Variants in TRPM3 observed in about 807,000 individuals in gnomAD.
The protein encoded by TRPM3 is long transient receptor potential channel 3.
Under a neutral mutation model 181.2 loss-of-function variants are expected in TRPM3, and 77 were observed. That is an observed-to-expected ratio of 0.42 (90% CI 0.35 to 0.51). TRPM3 has a LOEUF of 0.51. TRPM3 is among the 20% of genes least tolerant of loss of function. The pLI is 0.01. For synonymous variants in TRPM3, 745 were observed against 796.4 expected (o/e 0.94, Z 1.09); for missense variants, 1,759 against 2,196.7 (o/e 0.80, Z 3.98).
intron 1 of TRPM3, among the ~76,000 whole-genome samples, chr9:71,083,406 C>G (rs1418881329): frequency 3.3e-5 from 5 of 151,938 alleles, no homozygotes; most frequent in Non-Finnish European, 7.4e-5. Flanking sequence ...AATTAAAACC[C>G]AAGTCTGACT....
At chr9:70,606,878 T>C (rs2061261483) in intron 19 of TRPM3, among the ~76,000 whole-genome samples, 1 of 152,170 alleles carries the variant, frequency 6.6e-6, no homozygotes, top group African/African-American at 2.4e-5. Flanking sequence ...TTGCTATGGA[T>C]CCCTGGTGGG....
At chr9:70,787,331 T>A (rs1393775648) in intron 6 of TRPM3, among the ~76,000 whole-genome samples, 1 of 152,190 alleles carries the variant, frequency 6.6e-6, no homozygotes, top group Non-Finnish European at 1.5e-5. Context: ...TCATAAACAT[T>A]GAATATATCT....
chr9:71,007,357 T>G (rs550494056), intron 1 of TRPM3, among the ~76,000 whole-genome samples: 1 of 152,076 alleles, frequency 6.6e-6, no homozygotes, highest in African/African-American at 2.4e-5. Context: ...TTAGACCAAA[T>G]GTACCTAACA....
intron 12 of TRPM3, among the ~76,000 whole-genome samples, chr9:70,628,768 G>A (rs947858744): frequency 5.1e-5 from 7 of 137,950 alleles, no homozygotes; most frequent in South Asian, 2.3e-4. Flanking sequence ...GAAGTGAGCC[G>A]AGATTGCACC....
intron 9 of TRPM3, among the ~76,000 whole-genome samples, chr9:70,667,870 A>G (rs766559138): frequency 1.3e-5 from 2 of 152,214 alleles, no homozygotes; most frequent in Non-Finnish European, 2.9e-5. Context: ...GCACACTCAC[A>G]TGGCCCCAAC....
chr9:70,699,693 G>A (rs10116217), intron 8 of TRPM3, among the ~76,000 whole-genome samples: 57,755 of 151,922 alleles, frequency 0.38, 11,357 homozygotes, highest in Non-Finnish European at 0.44. Flanking sequence ...GCCTCTCTAG[G>A]CTTTCTTGCT....
At chr9:70,658,919 A>G (rs1369464062) in intron 9 of TRPM3, among the ~76,000 whole-genome samples, 1 of 152,112 alleles carries the variant, frequency 6.6e-6, no homozygotes, top group Non-Finnish European at 1.5e-5. Flanking sequence ...CTTTTGGTTT[A>G]AAATGTTGCT....
chr9:70,987,393 G>A (rs188127191), intron 1 of TRPM3, among the ~76,000 whole-genome samples: 2 of 152,214 alleles, frequency 1.3e-5, no homozygotes, highest in African/African-American at 4.8e-5. Flanking sequence ...CACAGGCTCT[G>A]CGTAAGATGC....
rs1226843135 is a variant in TRPM3 at position 71,090,803 on chromosome 9, T to C, written c.177+30375A>G. 1.3e-5 allele frequency among the ~76,000 whole-genome samples: 2 copies of C among 152,254 alleles called. 1 individual carries two copies. The highest frequency in any genetic ancestry group is 1.3e-4 in the Admixed American group (2 of 15,270). On this transcript the variant is annotated intron_variant, in intron 1 of 25. Transcript: ENST00000677713. ...ATAAGAATAATGACTACCTACTTCA[T>C]GGGATTACTTTCAAGATTAAATGAA...
rs554153791 is a variant in TRPM3 at position 71,315,126 on chromosome 9, C to G, written c.183+131527G>C. On this transcript the variant is annotated intron_variant, in intron 1 of 24. Transcript: ENST00000357533. ...GTAGGGTTTAATAAGCACTGATACC[C>G]TTTTCTGCCTCCAAATTTCCTCTAC... 5.3e-5 allele frequency among the ~76,000 whole-genome samples: 8 copies of G among 152,194 alleles called. No individual in the cohort carries two copies. The South Asian group carries it at 1.2e-3, about 24-fold the overall frequency.
chr9:71,257,739 C>G (rs1386452050), intron 1 of TRPM3, among the ~76,000 whole-genome samples: 1 of 152,112 alleles, frequency 6.6e-6, no homozygotes, highest in African/African-American at 2.4e-5. Flanking sequence ...TAAGTCTGTA[C>G]TTCCATGTAT....
At chr9:71,070,874 A>G (rs1181785100) in intron 1 of TRPM3, among the ~76,000 whole-genome samples, 2 of 152,220 alleles carry the variant, frequency 1.3e-5, no homozygotes, top group Admixed American at 6.5e-5. Flanking sequence ...TAAAATATAC[A>G]GACTATTATT....
rs1432716418 is a variant in TRPM3 at position 70,531,347 on chromosome 9, CTG to C, written c.*4604_*4605del. Reference sequence around the variant, plus strand: ...TTTTTTTGTTTTTAATTTTTCAAAACTGAACATAATCCCCATAGTAAGAAGCC... The same window carrying C: ...TTTTTTTGTTTTTAATTTTTCAAAACAACATAATCCCCATAGTAAGAAGCC... On this transcript the variant is annotated 3_prime_UTR_variant, in exon 26 of 26. Coordinates refer to ENST00000677713, the MANE Select transcript of TRPM3 (RefSeq NM_001366145.2). 1 of 152,006 alleles carries C rather than the reference CTG, an allele frequency of 6.6e-6. No homozygotes were observed. The highest frequency in any genetic ancestry group is 1.5e-5 in the Non-Finnish European group (1 of 68,000). The allele number at this position is 152,006 out of a possible 1,614,324, so 9.4% of individuals were successfully genotyped here. A position where few individuals can be genotyped will look rare whatever the true frequency, so the allele number is the denominator to read the frequency against.
chr9:70,828,784 G>A (rs1354571549), intron 5 of TRPM3, among the ~76,000 whole-genome samples: 6 of 148,352 alleles, frequency 4.0e-5, no homozygotes, highest in Non-Finnish European at 7.4e-5. Flanking sequence ...TCCTTGCGAC[G>A]ATCCTGCAAA....
At chr9:70,860,045 C>T (rs2095485267) in intron 3 of TRPM3, among the ~76,000 whole-genome samples, 1 of 152,276 alleles carries the variant, frequency 6.6e-6, no homozygotes, top group South Asian at 2.1e-4. Context: ...TCTAACACAT[C>T]TTTGGACTCC....
At chr9:70,960,119 C>T (rs936999692) in intron 1 of TRPM3, among the ~76,000 whole-genome samples, 2 of 150,662 alleles carry the variant, frequency 1.3e-5, no homozygotes, top group African/African-American at 2.5e-5. Flanking sequence ...ATTCAACTCT[C>T]GTTCTTTTTT....
chr9:71,226,072 T>C (rs1362892555), intron 1 of TRPM3, among the ~76,000 whole-genome samples: 4 of 148,258 alleles, frequency 2.7e-5, no homozygotes, highest in Admixed American at 6.8e-5. Context: ...GAGTTTTTAG[T>C]TTTTTTTTGT....
At chr9:71,397,756 T>C (rs545319483) in intron 1 of TRPM3, among the ~76,000 whole-genome samples, 8 of 151,534 alleles carry the variant, frequency 5.3e-5, no homozygotes, top group African/African-American at 1.9e-4. Context: ...CTCTTATGTT[T>C]ACATCAGAAA....
chr9:71,029,721 G>A (rs914550274), intron 1 of TRPM3, among the ~76,000 whole-genome samples: 14 of 152,152 alleles, frequency 9.2e-5, no homozygotes, highest in Non-Finnish European at 1.6e-4. Context: ...GATGTAATAT[G>A]AGAGACCTTC....
Sources: gnomAD v4.1 joint callset for allele counts (sites outside exome capture counted in the v4.1 genomes callset) on GRCh38, gnomAD v4.1.1 for gene constraint, MANE v1.5 for transcripts, NCBI Gene and HGNC (gene_info 2026-07-23, HGNC 2026-07-21) for gene names.